The following CRISP1 variants were observed in gnomAD, a reference collection of about 807,000 sequenced individuals.
CRISP1 encodes cysteine-rich secretory protein 1.
In CRISP1, 44 loss-of-function variants were observed where a neutral mutation model predicts 33.1. That is an observed-to-expected ratio of 1.33 (90% CI 1.05 to 1.71). The LOEUF is 1.71. Ranked by LOEUF, CRISP1 falls within the 40% of genes most tolerant of loss-of-function variation. The pLI, the probability that CRISP1 is intolerant of heterozygous loss-of-function variation, is 0.00. For synonymous variants in CRISP1, 103 were observed against 98.7 expected, an observed-to-expected ratio of 1.04 and a Z score of -0.26; for missense variants, 390 against 301.2, an observed-to-expected ratio of 1.29 and a Z score of -2.18.
intron 2 of CRISP1, 72 bp downstream of exon 2, chr6:49,857,263 G>A: frequency 6.9e-7 from 1 of 1,456,376 alleles, no homozygotes; most frequent in Non-Finnish European, 9.6e-7. Flanking sequence ...CTCTAACATG[G>A]TGAATTGTAT....
At chr6:49,876,655 C>T (rs1772041633) in intron 1 of CRISP1, among the ~76,000 whole-genome samples, 1 of 152,012 alleles carries the variant, frequency 6.6e-6, no homozygotes, top group Non-Finnish European at 1.5e-5. Flanking sequence ...CAATTATAGG[C>T]TGGGTAAAGA....
chr6:49,839,187 C>A (rs1163567151), intron 6 of CRISP1, among the ~76,000 whole-genome samples: 1 of 140,366 alleles, frequency 7.1e-6, no homozygotes, highest in Non-Finnish European at 1.5e-5. Context: ...GTAATCCCAG[C>A]ACTTTGAGAG....
At chr6:49,836,905 T>A (rs1770815664) in intron 7 of CRISP1, among the ~76,000 whole-genome samples, 1 of 152,148 alleles carries the variant, frequency 6.6e-6, no homozygotes, top group South Asian at 2.1e-4. Context: ...CTCATTTTTT[T>A]TAAAAAATCA....
Position 49,835,437 on chromosome 6 carries a change from G to C in CRISP1, c.629C>G (p.Pro210Arg). 1 of 1,613,046 alleles carries C rather than the reference G, an allele frequency of 6.2e-7. No individual in the cohort carries two copies. The highest frequency in any genetic ancestry group is 8.5e-7 in the Non-Finnish European group (1 of 1,179,518). The change falls in exon 8 of 8, where the codon CCC becomes CGC. Residue 210 changes from proline (P) to arginine (R), a missense_variant. By Grantham distance (103) the Pro-to-Arg change is moderately radical (BLOSUM62 -2). Coordinates refer to ENST00000335847, the MANE Select transcript of CRISP1 (RefSeq NM_001131.3). ...GAAGTATTCATCATAGTAGATGCAGGGGTTAGCTGAAAGAAAATAGTATGG... is the reference window on the plus strand; with the variant it reads ...GAAGTATTCATCATAGTAGATGCAGCGGTTAGCTGAAAGAAAATAGTATGG... ...SNCEDKLCTNPCIYYDEYFDC... is the reference protein window; with the variant it reads ...SNCEDKLCTNRCIYYDEYFDC...
intron 1 of CRISP1, among the ~76,000 whole-genome samples, chr6:49,873,371 T>C (rs1771968804): frequency 6.6e-6 from 1 of 152,050 alleles, no homozygotes; most frequent in African/African-American, 2.4e-5. Context: ...CTAAATGCCA[T>C]TTAATTTGAT....
chr6:49,857,503 T>C, intron 1 of CRISP1, 101 bp from the exon 2 acceptor site: 2 of 1,121,896 alleles, frequency 1.8e-6, no homozygotes, highest in Non-Finnish European at 1.3e-6. Flanking sequence ...GCATTTTTTT[T>C]CCTAAAAGAA....
chr6:49,843,686 C>T (rs994159586), intron 5 of CRISP1, among the ~76,000 whole-genome samples: 4 of 152,098 alleles, frequency 2.6e-5, no homozygotes, highest in Non-Finnish European at 5.9e-5. Flanking sequence ...GCTGCTTCAA[C>T]AAATACCTAA....
At chr6:49,837,203 G>A (rs1770828132) in intron 7 of CRISP1, among the ~76,000 whole-genome samples, 1 of 152,062 alleles carries the variant, frequency 6.6e-6, no homozygotes, top group East Asian at 1.9e-4. Context: ...CAATTCTTAA[G>A]TTCATATATT....
intron 2 of CRISP1, among the ~76,000 whole-genome samples, chr6:49,854,144 T>C (rs1771429767): frequency 6.6e-6 from 1 of 152,158 alleles, no homozygotes; most frequent in South Asian, 2.1e-4. Context: ...TCACCCAGTC[T>C]GTCAATCTAC....
intron 2 of CRISP1, among the ~76,000 whole-genome samples, chr6:49,856,565 A>G (rs1245839857): frequency 6.6e-6 from 1 of 152,126 alleles, no homozygotes; most frequent in Non-Finnish European, 1.5e-5. Flanking sequence ...TAATAGCCTA[A>G]TGCATATGGA....
intron 3 of CRISP1, among the ~76,000 whole-genome samples, chr6:49,850,677 G>A (rs554778920): frequency 4.6e-5 from 7 of 151,844 alleles, no homozygotes; most frequent in Non-Finnish European, 5.9e-5. Flanking sequence ...TACTTTTATC[G>A]TCTTCTTGAT....
chr6:49,865,031 A>G (rs948095968), intron 1 of CRISP1, among the ~76,000 whole-genome samples: 5 of 152,190 alleles, frequency 3.3e-5, no homozygotes, highest in Non-Finnish European at 7.3e-5. Flanking sequence ...TCTATAAGAT[A>G]GATTTAACAT....
intron 2 of CRISP1, among the ~76,000 whole-genome samples, chr6:49,856,623 A>G (rs187633517): frequency 1.8e-4 from 28 of 152,220 alleles, no homozygotes; most frequent in Non-Finnish European, 3.1e-4. Context: ...TTACTTCTCT[A>G]CCTGGCCTAC....
intron 2 of CRISP1, among the ~76,000 whole-genome samples, chr6:49,854,554 C>T (rs904988928): frequency 2.0e-5 from 3 of 152,108 alleles, no homozygotes; most frequent in Non-Finnish European, 4.4e-5. Flanking sequence ...TTTCTTAAAA[C>T]AGATAAACAA....
chr6:49,842,757 C>T (rs531886859), intron 5 of CRISP1, among the ~76,000 whole-genome samples: 9 of 152,190 alleles, frequency 5.9e-5, no homozygotes, highest in African/African-American at 1.9e-4. Context: ...CTCTCAAGTG[C>T]ATATGAAAGA....
upstream of CRISP1, among the ~76,000 whole-genome samples, chr6:49,866,814 C>A (rs1771809876): frequency 6.6e-6 from 1 of 152,032 alleles, no homozygotes; most frequent in Non-Finnish European, 1.5e-5. Context: ...ACTTGCTGGT[C>A]CAGAAACTTC....
Position 49,846,685 on chromosome 6 carries a change from G to T in CRISP1, c.287-17C>A. 6.2e-7 allele frequency: 1 copy of T among 1,611,444 alleles called. No homozygotes were observed. The highest frequency in any genetic ancestry group is 8.5e-7 in the Non-Finnish European group (1 of 1,178,652). On this transcript the variant is annotated splice_polypyrimidine_tract_variant and intron_variant, in intron 4 of 7. Transcript: ENST00000335847. ...AAAAGGTATCTGAAATGAGAAAACG[G>T]GCTGGGTCATACTCTGAACAAATGG...
At chr6:49,875,883 T>C (rs1772024199) in intron 1 of CRISP1, among the ~76,000 whole-genome samples, 1 of 151,918 alleles carries the variant, frequency 6.6e-6, no homozygotes, top group African/African-American at 2.4e-5. Flanking sequence ...TTACACCTTA[T>C]ACAAAAATTA....
At chr6:49,843,817 T>C (rs553724678) in intron 5 of CRISP1, among the ~76,000 whole-genome samples, 2 of 152,344 alleles carry the variant, frequency 1.3e-5, no homozygotes, top group African/African-American at 4.8e-5. Context: ...CATTAAAGTC[T>C]ATTTTGTTGT....
Sources: gnomAD v4.1 joint callset for allele counts (sites outside exome capture counted in the v4.1 genomes callset) on GRCh38, gnomAD v4.1.1 for gene constraint, MANE v1.5 for transcripts, NCBI Gene and HGNC (gene_info 2026-07-23, HGNC 2026-07-21) for gene names.